OCA2: variants seen among roughly 807,000 people sequenced by gnomAD.
OCA2 encodes P protein.
OCA2 carries 77 observed loss-of-function variants against 100.2 expected under a neutral mutation model. The ratio of observed to expected loss-of-function variants is 0.77; its 90% CI spans 0.64 to 0.93. The LOEUF (loss-of-function observed/expected upper bound fraction) is 0.93, where lower values mean the gene tolerates loss of function less well. Ranked by LOEUF, OCA2 falls within the 40% of genes least tolerant of loss-of-function variation. The pLI, the probability that OCA2 is intolerant of heterozygous loss-of-function variation, is 0.00. For missense variants in OCA2, 1,062 were observed against 1,089.1 expected (o/e 0.98, Z 0.35); for synonymous variants, 432 against 439.2 (o/e 0.98, Z 0.21).
At chr15:28,014,964 G>C in intron 8 of OCA2, 35 bp from the exon 9 acceptor site, 1 of 1,611,838 alleles carries the variant, frequency 6.2e-7, no homozygotes, top group Non-Finnish European at 8.5e-7. Flanking sequence ...CTGTTCACAA[G>C]GTCAACAGTT....
At chr15:27,856,750 A>C (rs2035964098) in intron 21 of OCA2, among the ~76,000 whole-genome samples, 1 of 152,116 alleles carries the variant, frequency 6.6e-6, no homozygotes, top group Non-Finnish European at 1.5e-5. Flanking sequence ...TGGGAGCCAG[A>C]AATTTAAGGA....
intron 1 of OCA2, among the ~76,000 whole-genome samples, chr15:28,087,295 C>A (rs559610965): frequency 2.0e-4 from 31 of 152,120 alleles, no homozygotes; most frequent in African/African-American, 7.5e-4. Context: ...ACAGTCAAGC[C>A]AGAAGCCTAT....
chr15:27,730,732 A>AATATAT, the OCA2 span, among the ~76,000 whole-genome samples: 387 of 101,832 alleles, frequency 3.8e-3, 1 homozygote, highest in African/African-American at 4.7e-3. Context: ...AAAAAGACCA[A>AATATAT]ATATATATAT....
chr15:27,913,881 A>AAG (rs1374277818), intron 19 of OCA2, among the ~76,000 whole-genome samples: 13 of 57,674 alleles, frequency 2.3e-4, no homozygotes, highest in African/African-American at 1.1e-3. Flanking sequence ...GAAAGAAAGA[A>AAG]AGAAAGAAAG....
chr15:27,924,823 A>G (rs1312769198), intron 19 of OCA2, among the ~76,000 whole-genome samples: 3 of 152,162 alleles, frequency 2.0e-5, no homozygotes. Context: ...GCGTATGAAT[A>G]AGTATTAAAT....
At chr15:28,022,635 AT>A in intron 5 of OCA2, 62 bp from the exon 6 acceptor site, 1 of 1,292,708 alleles carries the variant, frequency 7.7e-7, no homozygotes, top group Non-Finnish European at 1.1e-6. Flanking sequence ...GGTATAAATC[AT>A]TTTGATAACA....
intron 1 of OCA2, among the ~76,000 whole-genome samples, chr15:28,087,176 TA>T (rs950957809): frequency 2.6e-5 from 4 of 151,832 alleles, no homozygotes; most frequent in African/African-American, 7.3e-5. Context: ...GAAAAAGTCT[TA>T]AAGAGAGAAA....
intron 19 of OCA2, among the ~76,000 whole-genome samples, chr15:27,888,883 T>A (rs1204360254): frequency 6.6e-6 from 1 of 152,178 alleles, no homozygotes; most frequent in Non-Finnish European, 1.5e-5. Context: ...TCTCTTGTAT[T>A]GTAGTGATAC....
chr15:27,784,840 C>A (rs1047176439), intron 23 of OCA2, among the ~76,000 whole-genome samples: 2 of 151,568 alleles, frequency 1.3e-5, no homozygotes, highest in East Asian at 3.9e-4. Flanking sequence ...TGTGGAATAA[C>A]ATCAAAACAT....
At chr15:27,979,971 C>T (rs1330296938) in intron 14 of OCA2, among the ~76,000 whole-genome samples, 8 of 151,562 alleles carry the variant, frequency 5.3e-5, no homozygotes, top group Non-Finnish European at 1.2e-4. Flanking sequence ...GCCTCAGCCT[C>T]CCAAAGTGCT....
rs146808080 is a variant in OCA2, at chr15:27,853,908, A to T, written c.2245-2433T>A. Reference sequence around the variant, plus strand: ...GTGGAGATGTGAATGATGTGCAATAATATTCGATGCCGAGAATTAAGGGGC... The same window carrying T: ...GTGGAGATGTGAATGATGTGCAATATTATTCGATGCCGAGAATTAAGGGGC... On this transcript the variant is annotated intron_variant, in intron 21 of 23. Coordinates refer to ENST00000354638, the MANE Select transcript of OCA2 (RefSeq NM_000275.3). Among the ~76,000 whole-genome samples the T allele has an allele frequency of 2.8e-3, 429 of 152,346 alleles. 2 individuals are homozygous for T. Among genetic ancestry groups the T allele is most frequent in the African/African-American group, 9.8e-3 (409 of 41,600 alleles).
chr15:28,017,342 G>A (rs1012365187), intron 7 of OCA2, among the ~76,000 whole-genome samples: 2 of 152,046 alleles, frequency 1.3e-5, no homozygotes, highest in Non-Finnish European at 2.9e-5. Context: ...AAGAGAGCAG[G>A]GAGGTGCCAT....
At chr15:28,049,454 C>T (rs141074356) in intron 2 of OCA2, among the ~76,000 whole-genome samples, 28 of 152,262 alleles carry the variant, frequency 1.8e-4, no homozygotes, top group East Asian at 7.7e-4. Flanking sequence ...CATAATCTAG[C>T]GATTTCACTC....
At chr15:27,820,322 C>T (rs2151266855) in intron 23 of OCA2, among the ~76,000 whole-genome samples, 1 of 152,298 alleles carries the variant, frequency 6.6e-6, no homozygotes, top group East Asian at 1.9e-4. Context: ...AGGAACTCTG[C>T]AGTAAAGACA....
intron 23 of OCA2, among the ~76,000 whole-genome samples, chr15:27,785,258 A>C (rs1191395692): frequency 6.6e-6 from 1 of 152,234 alleles, no homozygotes; most frequent in Non-Finnish European, 1.5e-5. Flanking sequence ...AGACGCAGAA[A>C]TTCCATTCCT....
chr15:27,768,427 C>G (rs566067696), intron 23 of OCA2, among the ~76,000 whole-genome samples: 1 of 152,164 alleles, frequency 6.6e-6, no homozygotes, highest in Non-Finnish European at 1.5e-5. Flanking sequence ...ACTGTGTTCC[C>G]GACTAGCCGC....
rs557767057 is a variant in OCA2, at chr15:27,807,490, G to A, written c.2432+37469C>T. 1.6e-4 allele frequency among the ~76,000 whole-genome samples: 25 copies of A among 152,246 alleles called. 1 individual carries two copies. The South Asian group carries it at 4.6e-3, about 28-fold the overall frequency. On this transcript the variant is annotated intron_variant, in intron 23 of 23. Transcript: ENST00000354638. ...CACGAAGAATAATGAGTGCCTTTGC[G>A]TTGGTGTCATCCACACACGTCAGGG...
chr15:27,737,247 T>C, the OCA2 span, among the ~76,000 whole-genome samples: 23 of 152,356 alleles, frequency 1.5e-4, no homozygotes, highest in African/African-American at 5.5e-4. Flanking sequence ...TATTTGTAGA[T>C]TCAATGCAAT....
chr15:28,041,971 C>A (rs2043214363), intron 2 of OCA2, among the ~76,000 whole-genome samples: 2 of 152,136 alleles, frequency 1.3e-5, no homozygotes, highest in African/African-American at 4.8e-5. Context: ...ATTTTAAATA[C>A]ACAATTCCAG....
Sources: allele counts gnomAD v4.1 joint callset (sites outside exome capture counted in the v4.1 genomes callset), GRCh38; gene constraint gnomAD v4.1.1; transcripts MANE v1.5; gene names NCBI Gene and HGNC (gene_info 2026-07-23, HGNC 2026-07-21).